NAV2: variants seen among roughly 807,000 people sequenced by gnomAD.
The protein encoded by NAV2 is helicase, APC down-regulated 1.
A neutral mutation model predicts 223.2 loss-of-function variants in NAV2; 54 were observed. The ratio of observed to expected loss-of-function variants is 0.24; its 90% CI spans 0.19 to 0.30. The LOEUF (loss-of-function observed/expected upper bound fraction) is 0.30, where lower values mean the gene tolerates loss of function less well. NAV2 is among the 10% of genes least tolerant of loss of function. The probability of loss-of-function intolerance (pLI) is 1.00; values close to 1 mark genes in which losing one functional copy is unlikely to be tolerated. For missense variants in NAV2, 2,806 were observed against 3,147.5 expected, an observed-to-expected ratio of 0.89 and a Z score of 2.60; for synonymous variants, 1,279 against 1,239.3, an observed-to-expected ratio of 1.03 and a Z score of -0.67.
intron 1 of NAV2, among the ~76,000 whole-genome samples, chr11:19,494,371 A>G (rs901017731): frequency 6.6e-6 from 1 of 152,196 alleles, no homozygotes; most frequent in Admixed American, 6.5e-5. Flanking sequence ...TAGGCCCCAA[A>G]TCATTCTTCT....
At chr11:19,523,442 G>A (rs2043737779) in intron 1 of NAV2, among the ~76,000 whole-genome samples, 2 of 152,200 alleles carry the variant, frequency 1.3e-5, no homozygotes, top group African/African-American at 4.8e-5. Flanking sequence ...TGGAAAATGG[G>A]AAGATGTCAT....
intron 6 of NAV2, among the ~76,000 whole-genome samples, chr11:19,917,812 A>G (rs1202841309): frequency 6.6e-6 from 1 of 152,168 alleles, no homozygotes; most frequent in African/African-American, 2.4e-5. Context: ...GGGTTTCGCC[A>G]TGTTGGCCAA....
rs998537224 is a variant in NAV2 at position 19,894,560 on chromosome 11, C to T, written c.931+1966C>T. Among the ~76,000 whole-genome samples, 4 of 152,236 alleles carry T rather than the reference C, an allele frequency of 2.6e-5. No individual in the cohort carries two copies. The East Asian group carries it at 5.8e-4, about 22-fold the overall frequency. ...TTCTACAGCTGCCTATGGGTGTGCCCGCCAATGCTAGGACAGTGACTGACC... is the reference window on the plus strand; with the variant it reads ...TTCTACAGCTGCCTATGGGTGTGCCTGCCAATGCTAGGACAGTGACTGACC... On this transcript the variant is annotated intron_variant, in intron 6 of 37. Coordinates refer to ENST00000349880, the MANE Select transcript of NAV2 (RefSeq NM_145117.5).
At chr11:19,934,416 C>A in intron 7 of NAV2, 139 bp downstream of exon 7, 1 of 1,024,460 alleles carries the variant, frequency 9.8e-7, no homozygotes, top group Non-Finnish European at 1.3e-6. Flanking sequence ...ACGTGATGAA[C>A]TCCTAAGAGA....
intron 22 of NAV2, among the ~76,000 whole-genome samples, chr11:20,075,222 G>GTTT (rs759061256): frequency 9.0e-6 from 1 of 111,036 alleles, no homozygotes. Context: ...TTTTTGTTTT[G>GTTT]TTTTTTTTTT....
At chr11:19,836,219 A>T (rs1207567804) in intron 2 of NAV2, among the ~76,000 whole-genome samples, 1 of 152,182 alleles carries the variant, frequency 6.6e-6, no homozygotes, top group Non-Finnish European at 1.5e-5. Context: ...CTTTCTAGGG[A>T]TCTACCACAG....
chr11:19,398,819 C>G (rs1849570237), intron 1 of NAV2, among the ~76,000 whole-genome samples: 1 of 152,208 alleles, frequency 6.6e-6, no homozygotes, highest in African/African-American at 2.4e-5. Context: ...CTCCTTCCCC[C>G]CACAGACACA....
chr11:19,522,089 G>T (rs545818602), intron 1 of NAV2, among the ~76,000 whole-genome samples: 13 of 152,304 alleles, frequency 8.5e-5, no homozygotes, highest in Admixed American at 3.3e-4. Flanking sequence ...TACATAGAGA[G>T]GTCACAAGAC....
intron 11 of NAV2, among the ~76,000 whole-genome samples, chr11:20,035,284 A>G (rs530591603): frequency 6.6e-6 from 1 of 152,236 alleles, no homozygotes; most frequent in Non-Finnish European, 1.5e-5. Flanking sequence ...TGGTGGTGGT[A>G]TTGGCAGGTG....
rs566744552 is a variant in NAV2 at position 19,746,366 on chromosome 11, G to A, written c.267+32404G>A. On this transcript the variant is annotated intron_variant, in intron 1 of 37. Transcript: ENST00000349880. ...CCCCAAGTAACTGACTTCAGTATGC[G>A]TTTGTATGTTTTTTTTTAACTAGAG... 1.1e-4 allele frequency among the ~76,000 whole-genome samples: 8 copies of A among 75,318 alleles called. 1 individual carries two copies. The highest frequency in any genetic ancestry group is 6.8e-4 in the East Asian group (2 of 2,942). 49.4% of individuals were successfully genotyped at this position (75,318 alleles called of 152,430 possible). A position where few individuals can be genotyped will look rare whatever the true frequency, so the allele number is the denominator to read the frequency against.
At position 20,045,018 on chromosome 11, in the gene NAV2, G is replaced by T. The variant is rs2057305734; in HGVS notation, c.3250G>T (p.Ala1084Ser). 6.2e-7 allele frequency: 1 copy of T among 1,613,894 alleles called. No homozygotes were observed. Among genetic ancestry groups the T allele is most frequent in the Non-Finnish European group, 8.5e-7 (1 of 1,180,000 alleles). The change falls in exon 14 of 38, where the codon GCC (alanine) becomes TCC (serine). Residue 1084 changes from alanine to serine, a missense_variant. Transcript: ENST00000349880. Reference protein sequence around the residue: ...VSEKGRLSPKASQVKRSPSDA... With the variant: ...VSEKGRLSPKSSQVKRSPSDA... ...TGAGAAAGGAAGGCTTTCTCCTAAA[G>T]CCTCCCAGGTGAAGCGCTCCCCATC...
chr11:19,623,352 C>A (rs979149051), intron 1 of NAV2, among the ~76,000 whole-genome samples: 7 of 152,164 alleles, frequency 4.6e-5, no homozygotes, highest in Non-Finnish European at 4.4e-5. Context: ...TAATATCCTG[C>A]AGAGTGTTTT....
At chr11:20,053,199 T>A (rs1591869117) in intron 17 of NAV2, among the ~76,000 whole-genome samples, 1 of 113,376 alleles carries the variant, frequency 8.8e-6, no homozygotes, top group African/African-American at 3.6e-5. Flanking sequence ...GCCTGGGCAG[T>A]AGAGCAAGAC....
chr11:19,992,365 C>G (rs1392971800), intron 11 of NAV2, among the ~76,000 whole-genome samples: 1 of 152,184 alleles, frequency 6.6e-6, no homozygotes, highest in Non-Finnish European at 1.5e-5. Context: ...GGAATTCTAC[C>G]AGGGGGTTAT....
intron 1 of NAV2, among the ~76,000 whole-genome samples, chr11:19,369,228 A>G (rs1848390508): frequency 2.0e-5 from 3 of 152,160 alleles, no homozygotes; most frequent in African/African-American, 4.8e-5. Context: ...CCCGGATGTC[A>G]TGTCTATATT....
intron 1 of NAV2, among the ~76,000 whole-genome samples, chr11:19,817,764 C>T (rs1200272211): frequency 6.6e-6 from 1 of 152,192 alleles, no homozygotes; most frequent in Non-Finnish European, 1.5e-5. Context: ...AAAGCCGGGT[C>T]ACTCTCTTAA....
Position 20,045,583 on chromosome 11 carries a change from C to T in NAV2, c.3815C>T (p.Pro1272Leu), listed in dbSNP as rs139469476. Reference protein sequence around the residue: ...VASCNSVKVNPAAQPVSSPAQ... With the variant: ...VASCNSVKVNLAAQPVSSPAQ... ...TCCTGTAACTCGGTGAAAGTGAATC[C>T]GGCAGCCCAGCCTGTGTCCAGTCCG... The change falls in exon 14 of 38, where the codon CCG (proline) becomes CTG (leucine). Residue 1272 changes from proline to leucine, a missense_variant. Pro to Leu is a moderately conservative substitution (Grantham distance 98). Coordinates refer to ENST00000349880, the MANE Select transcript of NAV2 (RefSeq NM_145117.5). 77 of 1,614,142 alleles carry T rather than the reference C, an allele frequency of 4.8e-5. No individual in the cohort carries two copies. The highest frequency in any genetic ancestry group is 2.1e-4 in the South Asian group (19 of 91,086).
intron 4 of NAV2, among the ~76,000 whole-genome samples, chr11:19,878,285 C>G (rs2062981930): frequency 6.6e-6 from 1 of 152,186 alleles, no homozygotes; most frequent in Admixed American, 6.5e-5. Context: ...GAAGCTGGAG[C>G]TGTATGAGAA....
intron 1 of NAV2, among the ~76,000 whole-genome samples, chr11:19,630,652 C>A (rs866657228): frequency 3.4e-4 from 51 of 152,110 alleles, no homozygotes; most frequent in Admixed American, 4.6e-4. Context: ...TTTGGGAGGC[C>A]AAGGAAGATG....
Sources: allele counts gnomAD v4.1 joint callset (sites outside exome capture counted in the v4.1 genomes callset), GRCh38; gene constraint gnomAD v4.1.1; transcripts MANE v1.5; gene names NCBI Gene and HGNC (gene_info 2026-07-23, HGNC 2026-07-21).